The following FER variants were observed in gnomAD, a reference collection of about 807,000 sequenced individuals.
The protein encoded by FER is FER tyrosine kinase.
In FER, 63 loss-of-function variants were observed where a neutral mutation model predicts 111.0. The ratio of observed to expected loss-of-function variants is 0.57; its 90% CI spans 0.46 to 0.70. The LOEUF is 0.70. Ranked by LOEUF, FER falls within the 30% of genes least tolerant of loss-of-function variation. The pLI, the probability that FER is intolerant of heterozygous loss-of-function variation, is 0.00. For missense variants in FER, 914 were observed against 954.0 expected (o/e 0.96, Z 0.55); for synonymous variants, 327 against 313.9 (o/e 1.04, Z -0.44).
At chr5:108,993,304 A>G (rs1260526581) in intron 13 of FER, among the ~76,000 whole-genome samples, 2 of 152,232 alleles carry the variant, frequency 1.3e-5, no homozygotes, top group African/African-American at 2.4e-5. Context: ...CGGGAGGCCG[A>G]GGCTGGCGGA....
At chr5:109,182,503 A>C (rs1758386706) in intron 18 of FER, among the ~76,000 whole-genome samples, 1 of 152,146 alleles carries the variant, frequency 6.6e-6, no homozygotes, top group Non-Finnish European at 1.5e-5. Context: ...ACTAAGGGGG[A>C]TGATCACAGG....
At chr5:109,049,987 G>GTAT (rs1018255565) in intron 16 of FER, among the ~76,000 whole-genome samples, 16 of 152,166 alleles carry the variant, frequency 1.1e-4, no homozygotes, top group African/African-American at 3.9e-4. Flanking sequence ...GAATTACTGT[G>GTAT]TATTAAGTAG....
chr5:109,110,082 C>G (rs924642209), intron 17 of FER, among the ~76,000 whole-genome samples: 2 of 152,112 alleles, frequency 1.3e-5, no homozygotes, highest in Non-Finnish European at 2.9e-5. Flanking sequence ...TAGTCTGCTA[C>G]TTCACTTTCA....
chr5:108,854,041 T>A (rs1189897477), intron 5 of FER, among the ~76,000 whole-genome samples: 1 of 152,196 alleles, frequency 6.6e-6, no homozygotes, highest in African/African-American at 2.4e-5. Flanking sequence ...AACAATTAAT[T>A]CTTGTTATTC....
chr5:109,007,131 A>G (rs915396343), intron 13 of FER, among the ~76,000 whole-genome samples: 2 of 152,196 alleles, frequency 1.3e-5, no homozygotes, highest in African/African-American at 2.4e-5. Context: ...TTTTAATTAC[A>G]TTGTCTATTG....
chr5:109,005,808 T>C (rs188652213), intron 13 of FER, among the ~76,000 whole-genome samples: 2 of 152,326 alleles, frequency 1.3e-5, no homozygotes, highest in Non-Finnish European at 2.9e-5. Context: ...TGTAAACTCT[T>C]GTACAGTGCT....
chr5:109,184,917 T>A (rs1368225481), intron 18 of FER, among the ~76,000 whole-genome samples: 1 of 152,162 alleles, frequency 6.6e-6, no homozygotes, highest in Non-Finnish European at 1.5e-5. Context: ...GGAGGAGTAT[T>A]TATAAATCCT....
chr5:109,012,423 C>A (rs576817753), intron 13 of FER, among the ~76,000 whole-genome samples: 1 of 152,240 alleles, frequency 6.6e-6, no homozygotes, highest in South Asian at 2.1e-4. Context: ...GTTTTATGTA[C>A]GTATTTTGAG....
chr5:108,907,844 T>C (rs1350531227), intron 10 of FER, among the ~76,000 whole-genome samples: 1 of 152,158 alleles, frequency 6.6e-6, no homozygotes, highest in African/African-American at 2.4e-5. Context: ...CAGTGGATTT[T>C]TTTTTCTTTT....
chr5:109,124,239 T>C (rs151136507), intron 17 of FER, among the ~76,000 whole-genome samples: 2,532 of 152,234 alleles, frequency 0.017, 27 homozygotes, highest in Non-Finnish European at 0.02. Flanking sequence ...AAAAGACATA[T>C]TAAAAGGGAC....
intron 5 of FER, among the ~76,000 whole-genome samples, chr5:108,849,614 T>G (rs1762358438): frequency 6.6e-6 from 1 of 152,186 alleles, no homozygotes. Context: ...TAATAACTGT[T>G]TTGAAATCCT....
intron 10 of FER, among the ~76,000 whole-genome samples, chr5:108,916,756 G>A (rs778635032): frequency 5.9e-5 from 9 of 152,036 alleles, no homozygotes; most frequent in South Asian, 2.1e-4. Context: ...TATCATGTTC[G>A]CTCATGGGTT....
At chr5:109,100,597 A>G (rs1222587291) in intron 17 of FER, 78 bp downstream of exon 17, 3 of 1,384,906 alleles carry the variant, frequency 2.2e-6, no homozygotes, top group Non-Finnish European at 3.0e-6. Flanking sequence ...CTACAATAGA[A>G]GTCATTTTCT....
chr5:108,922,435 A>C (rs989400744), intron 10 of FER, among the ~76,000 whole-genome samples: 1 of 152,186 alleles, frequency 6.6e-6, no homozygotes, highest in Non-Finnish European at 1.5e-5. Context: ...ACAAAGAAAC[A>C]CCAAAATTAG....
At chr5:108,764,708 A>G (rs1219348571) in intron 1 of FER, among the ~76,000 whole-genome samples, 1 of 152,182 alleles carries the variant, frequency 6.6e-6, no homozygotes, top group Non-Finnish European at 1.5e-5. Flanking sequence ...TGGAAACATA[A>G]TTTTAAATGG....
chr5:108,874,695 C>T (rs6890301), intron 8 of FER, among the ~76,000 whole-genome samples: 34,213 of 150,476 alleles, frequency 0.23, 4,061 homozygotes, highest in African/African-American at 0.29. Context: ...TTAATTTAGT[C>T]GTAGATTCGT....
At chr5:108,952,682 C>G (rs553332300) in intron 11 of FER, among the ~76,000 whole-genome samples, 1 of 152,158 alleles carries the variant, frequency 6.6e-6, no homozygotes, top group South Asian at 2.1e-4. Context: ...AAACAAAACT[C>G]AGATACTTTC....
intron 13 of FER, among the ~76,000 whole-genome samples, chr5:108,989,561 G>A (rs1762935195): frequency 6.6e-6 from 1 of 151,930 alleles, no homozygotes; most frequent in Non-Finnish European, 1.5e-5. Context: ...CTTTCTGAGT[G>A]TGAAATATTA....
chr5:109,155,453 T>C (rs1262397332), intron 17 of FER, among the ~76,000 whole-genome samples: 2 of 151,970 alleles, frequency 1.3e-5, no homozygotes, highest in East Asian at 3.9e-4. Flanking sequence ...GAAGAGAAAT[T>C]GCATAGAGGT....
Sources: gnomAD v4.1 joint callset for allele counts (sites outside exome capture counted in the v4.1 genomes callset) on GRCh38, gnomAD v4.1.1 for gene constraint, MANE v1.5 for transcripts, NCBI Gene and HGNC (gene_info 2026-07-23, HGNC 2026-07-21) for gene names.